The following TNS1 variants were observed in gnomAD, a reference collection of about 807,000 sequenced individuals.
TNS1 encodes tensin 1.
A neutral mutation model predicts 168.6 loss-of-function variants in TNS1; 62 were observed. The ratio of observed to expected loss-of-function variants is 0.37; its 90% CI spans 0.30 to 0.45. TNS1 has a LOEUF of 0.45. Ranked by LOEUF, TNS1 falls within the 20% of genes least tolerant of loss-of-function variation. The pLI is 1.00. For synonymous variants in TNS1, 934 were observed against 933.2 expected, an observed-to-expected ratio of 1.00 and a Z score of -0.02; for missense variants, 2,240 against 2,339.4, an observed-to-expected ratio of 0.96 and a Z score of 0.88.
chr2:217,909,242 C>T (rs1040855307), intron 4 of TNS1, among the ~76,000 whole-genome samples: 5 of 152,262 alleles, frequency 3.3e-5, no homozygotes, highest in African/African-American at 1.2e-4. Flanking sequence ...CAGAGCTGCT[C>T]TGGTCTCCTG....
chr2:217,912,080 C>A lies in TNS1; in HGVS notation c.229-4829G>T, dbSNP rs147300904. Among the ~76,000 whole-genome samples the A allele has an allele frequency of 2.4e-3, 368 of 152,338 alleles. 4 individuals carry two copies. Among genetic ancestry groups the A allele is most frequent in the African/African-American group, 8.6e-3 (356 of 41,574 alleles). Reference sequence around the variant, plus strand: ...GACACATATGCCCTCTCCACACATGCCTTTACCCTCCCCCACTGCATGGGC... The same window carrying A: ...GACACATATGCCCTCTCCACACATGACTTTACCCTCCCCCACTGCATGGGC... On this transcript the variant is annotated intron_variant, in intron 4 of 32. Coordinates refer to ENST00000682258, the MANE Select transcript of TNS1 (RefSeq NM_001387777.1).
At chr2:217,817,174 C>A (rs888799546) in intron 24 of TNS1, among the ~76,000 whole-genome samples, 1 of 152,162 alleles carries the variant, frequency 6.6e-6, no homozygotes, top group Non-Finnish European at 1.5e-5. Context: ...AAGACAACTC[C>A]AGTGATGCTT....
At chr2:217,842,074 C>T (rs1365692867) in intron 19 of TNS1, 2 of 703,046 alleles carry the variant, frequency 2.8e-6, no homozygotes, top group Admixed American at 4.0e-5. Context: ...TCACAAGCTG[C>T]TCCATGCCAG....
intron 19 of TNS1, among the ~76,000 whole-genome samples, chr2:217,844,389 A>G (rs768523588): frequency 1.3e-5 from 2 of 152,048 alleles, no homozygotes; most frequent in Admixed American, 6.5e-5. Context: ...GGCTTCCTAC[A>G]TTGCTGCCAG....
upstream of TNS1, among the ~76,000 whole-genome samples, chr2:218,003,303 C>A (rs754111964): frequency 6.6e-6 from 1 of 152,030 alleles, no homozygotes; most frequent in African/African-American, 2.4e-5. Flanking sequence ...CTGCAGACCC[C>A]CGCCCCTGGC....
At chr2:218,005,766 A>G (rs1462124301), upstream of TNS1, among the ~76,000 whole-genome samples, 3 of 152,222 alleles carry the variant, frequency 2.0e-5, no homozygotes, top group African/African-American at 7.2e-5. Flanking sequence ...GTAAGCATTC[A>G]CTGCCTCCTT....
chr2:217,983,883 A>G (rs1037878854), intron 2 of TNS1, among the ~76,000 whole-genome samples: 3 of 152,222 alleles, frequency 2.0e-5, no homozygotes, highest in Admixed American at 2.0e-4. Flanking sequence ...GTACCTAGAT[A>G]TTCGGTGAAA....
At position 217,922,012 on chromosome 2, in the gene TNS1, G is replaced by A. The variant is rs1315437316; in HGVS notation, c.187-1776C>T. 5.3e-5 allele frequency among the ~76,000 whole-genome samples: 8 copies of A among 152,160 alleles called. No homozygotes were observed. The South Asian group carries it at 6.2e-4, about 12-fold the overall frequency. ...GCTTATCACTCGTGGCCCCAATTTC[G>A]GAAGAATGAGGAGACACAGGGGGAA... On this transcript the variant is annotated intron_variant, in intron 3 of 32. Coordinates refer to ENST00000682258, the MANE Select transcript of TNS1 (RefSeq NM_001387777.1).
intron 4 of TNS1, among the ~76,000 whole-genome samples, chr2:217,912,766 A>G (rs1361839228): frequency 1.3e-5 from 2 of 152,162 alleles, no homozygotes; most frequent in African/African-American, 4.8e-5. Flanking sequence ...AATCGTCCCC[A>G]CATACAGACC....
In TNS1 at chr2:217,885,829, A is replaced by G; in HGVS notation, c.1041-10T>C. On this transcript the variant is annotated splice_polypyrimidine_tract_variant and intron_variant, in intron 14 of 32. Coordinates refer to ENST00000682258, the MANE Select transcript of TNS1 (RefSeq NM_001387777.1). ...GTCTCCTGGGATGTTGCTAAGGGAG[A>G]GAGGTGGGCAGAAAAAGAGTGGGCT... is the stretch of plus-strand genomic sequence containing the variant. 6.2e-7 allele frequency: 1 copy of G among 1,613,944 alleles called. No homozygotes were observed. Among genetic ancestry groups the G allele is most frequent in the Non-Finnish European group, 8.5e-7 (1 of 1,179,918 alleles).
chr2:217,838,226 C>T (rs548064090), intron 19 of TNS1, among the ~76,000 whole-genome samples: 5 of 152,296 alleles, frequency 3.3e-5, no homozygotes, highest in East Asian at 1.9e-4. Flanking sequence ...GGGGATCTGA[C>T]GTTTGCCATT....
chr2:217,921,538 C>T (rs1404178694), intron 3 of TNS1, among the ~76,000 whole-genome samples: 2 of 152,224 alleles, frequency 1.3e-5, no homozygotes, highest in Non-Finnish European at 2.9e-5. Context: ...ATAAGGTCAG[C>T]ACCTGTGGGA....
At chr2:218,020,301 C>G (rs1052470874) in intron 1 of TNS1, among the ~76,000 whole-genome samples, 2 of 152,194 alleles carry the variant, frequency 1.3e-5, no homozygotes, top group African/African-American at 2.4e-5. Flanking sequence ...CTGCAGGCCT[C>G]TCTTCAATTC....
At chr2:217,873,675 G>A (rs1949970352) in intron 18 of TNS1, among the ~76,000 whole-genome samples, 1 of 152,180 alleles carries the variant, frequency 6.6e-6, no homozygotes, top group Admixed American at 6.5e-5. Context: ...TGAGGAAGGG[G>A]GTCCTGAGCA....
intron 3 of TNS1, among the ~76,000 whole-genome samples, chr2:217,928,646 G>A (rs940456195): frequency 2.6e-5 from 4 of 152,164 alleles, no homozygotes; most frequent in African/African-American, 7.2e-5. Flanking sequence ...ACAGGACACA[G>A]GGGAGTCCCA....
chr2:217,962,036 A>G (rs901226397), intron 3 of TNS1, among the ~76,000 whole-genome samples: 1 of 152,192 alleles, frequency 6.6e-6, no homozygotes, highest in Non-Finnish European at 1.5e-5. Flanking sequence ...TGGCCTACAC[A>G]CTTCACACTT....
chr2:217,830,632 C>T (rs915928093), intron 22 of TNS1, among the ~76,000 whole-genome samples: 4 of 152,234 alleles, frequency 2.6e-5, no homozygotes, highest in Admixed American at 1.3e-4. Flanking sequence ...GCCCTGCCCT[C>T]TACCGTGCCA....
intron 3 of TNS1, among the ~76,000 whole-genome samples, chr2:217,961,252 C>CAGAGAGAGAG (rs778105340): frequency 7.1e-6 from 1 of 141,774 alleles, no homozygotes; most frequent in African/African-American, 2.7e-5. Flanking sequence ...CACACACACA[C>CAGAGAGAGAG]ACACACACAG....
chr2:217,940,295 G>A (rs1575119961), intron 3 of TNS1, among the ~76,000 whole-genome samples: 1 of 152,072 alleles, frequency 6.6e-6, no homozygotes, highest in East Asian at 1.9e-4. Context: ...CTGGTAACTG[G>A]GAGGGCTTTC....
Sources: allele counts gnomAD v4.1 joint callset (sites outside exome capture counted in the v4.1 genomes callset), GRCh38; gene constraint gnomAD v4.1.1; transcripts MANE v1.5; gene names NCBI Gene and HGNC (gene_info 2026-07-23, HGNC 2026-07-21).